Variants in TPST1 observed in about 807,000 individuals in gnomAD.
TPST1 encodes tyrosylprotein sulfotransferase 1.
Under a neutral mutation model 34.8 loss-of-function variants are expected in TPST1, and 20 were observed. The observed-to-expected ratio is 0.57, with a 90% CI of 0.40 to 0.84. TPST1 has a LOEUF of 0.84. Among genes scored for constraint, TPST1 ranks in the 40% least tolerant of loss-of-function variants. TPST1 has a pLI of 0.00. For synonymous variants in TPST1, 152 were observed against 159.4 expected (o/e 0.95, Z 0.35); for missense variants, 353 against 455.5 (o/e 0.78, Z 2.05).
At chr7:66,255,111 A>G (rs1420040941) in intron 2 of TPST1, among the ~76,000 whole-genome samples, 2 of 144,006 alleles carry the variant, frequency 1.4e-5, no homozygotes, top group Non-Finnish European at 3.0e-5. Context: ...CATGCCATGC[A>G]CTCCAGCCTG....
chr7:66,219,494 A>T (rs1789495343), intron 1 of TPST1, among the ~76,000 whole-genome samples: 1 of 152,212 alleles, frequency 6.6e-6, no homozygotes, highest in South Asian at 2.1e-4. Context: ...GACTTGCAGA[A>T]AGTGTGCAAA....
At chr7:66,283,418 G>C (rs1342299884) in intron 2 of TPST1, among the ~76,000 whole-genome samples, 1 of 152,020 alleles carries the variant, frequency 6.6e-6, no homozygotes, top group Non-Finnish European at 1.5e-5. Context: ...TTTTTGTAAG[G>C]GTTAGATAGT....
rs192091674 is a variant in TPST1, at chr7:66,243,564, C to T, written c.845+2294C>T. On this transcript the variant is annotated intron_variant, in intron 2 of 5. Coordinates refer to ENST00000304842, the MANE Select transcript of TPST1 (RefSeq NM_003596.4). Reference sequence around the variant, plus strand: ...GCTCAGGTGATCCTCCCATCTCAGCCTCCCGAGTAGCTGGGATTACAGGCA... The same window carrying T: ...GCTCAGGTGATCCTCCCATCTCAGCTTCCCGAGTAGCTGGGATTACAGGCA... Among the ~76,000 whole-genome samples the T allele has an allele frequency of 1.2e-3, 183 of 151,848 alleles. 1 individual carries two copies. Among genetic ancestry groups the T allele is most frequent in the Non-Finnish European group, 3.7e-4 (25 of 67,956 alleles).
intron 2 of TPST1, among the ~76,000 whole-genome samples, chr7:66,282,457 G>A (rs1350092613): frequency 6.6e-6 from 1 of 152,186 alleles, no homozygotes; most frequent in Non-Finnish European, 1.5e-5. Flanking sequence ...CAGGCAGCAG[G>A]CCAGATTGGA....
chr7:66,246,179 ATTTTTTTTTTTTT>A (rs35051150), intron 2 of TPST1, among the ~76,000 whole-genome samples: 190 of 92,402 alleles, frequency 2.1e-3, no homozygotes, highest in African/African-American at 7.5e-3. Flanking sequence ...TGCCTGGCTA[ATTTTTTTTTTTTT>A]TTTTTTTTTT....
chr7:66,201,782 G>A (rs552494288), upstream of TPST1, among the ~76,000 whole-genome samples: 26 of 150,374 alleles, frequency 1.7e-4, no homozygotes, highest in Admixed American at 1.0e-3. Flanking sequence ...GAGCCCAGGC[G>A]TTTGAGGCTG....
In TPST1 at chr7:66,352,561, G is replaced by A. The variant is rs1247865962; in HGVS notation, c.1095+6G>A. ...TTCTTAAAGAAAAACCACAGGTACT[G>A]TGTCTGCTTTTTCCTCCTGATGTAT... is the stretch of plus-strand genomic sequence containing the variant. On this transcript the variant is annotated splice_donor_region_variant and intron_variant, in intron 4 of 5. Coordinates refer to ENST00000304842, the MANE Select transcript of TPST1 (RefSeq NM_003596.4). The A allele has an allele frequency of 8.1e-6, 13 of 1,612,836 alleles. No homozygotes were observed. Among genetic ancestry groups the A allele is most frequent in the African/African-American group, 1.3e-5 (1 of 74,790 alleles).
chr7:66,332,853 A>T lies in TPST1; in HGVS notation c.1045-19652A>T, dbSNP rs914947756. Among the ~76,000 whole-genome samples the T allele has an allele frequency of 1.3e-5, 2 of 152,200 alleles. No homozygotes were observed. Among genetic ancestry groups the T allele is most frequent in the Non-Finnish European group, 1.5e-5 (1 of 68,038 alleles). ...ACGTGCAAATACTACACCATTTTAT[A>T]TAAGGCACTTGAGCACCTGTGGATT... On this transcript the variant is annotated intron_variant, in intron 3 of 5. Coordinates refer to ENST00000304842, the MANE Select transcript of TPST1 (RefSeq NM_003596.4). This position sits in a 1 kb window ranked among gnomAD's most constrained non-coding sequence, Gnocchi z 4.5.
chr7:66,270,802 G>A (rs1790689583), intron 2 of TPST1, among the ~76,000 whole-genome samples: 1 of 152,154 alleles, frequency 6.6e-6, no homozygotes, highest in Non-Finnish European at 1.5e-5. Flanking sequence ...GTCTTATTTG[G>A]TGAGGCTATA....
At chr7:66,213,661 G>A (rs1012644916) in intron 1 of TPST1, among the ~76,000 whole-genome samples, 1 of 151,416 alleles carries the variant, frequency 6.6e-6, no homozygotes, top group East Asian at 1.9e-4. Flanking sequence ...AGGCTGAGGC[G>A]CGAACCCAGG....
At chr7:66,316,405 T>C (rs924432987) in intron 3 of TPST1, among the ~76,000 whole-genome samples, 1 of 152,352 alleles carries the variant, frequency 6.6e-6, no homozygotes, top group South Asian at 2.1e-4. Context: ...GTGTATTCAC[T>C]AATTAATGGG....
intron 1 of TPST1, among the ~76,000 whole-genome samples, chr7:66,225,217 C>A (rs1350077775): frequency 6.6e-6 from 1 of 151,826 alleles, no homozygotes; most frequent in Non-Finnish European, 1.5e-5. Flanking sequence ...GCACCCGGCC[C>A]ATTCTGGTAT....
chr7:66,210,994 C>A (rs1688255361), intron 1 of TPST1, among the ~76,000 whole-genome samples: 1 of 151,422 alleles, frequency 6.6e-6, no homozygotes, highest in South Asian at 2.1e-4. Flanking sequence ...CGCGCGCGCA[C>A]ACACACACAC....
At chr7:66,258,899 G>GT (rs1048889828) in intron 2 of TPST1, among the ~76,000 whole-genome samples, 9 of 152,028 alleles carry the variant, frequency 5.9e-5, no homozygotes, top group Admixed American at 5.9e-4. Flanking sequence ...ATTTCTCAGG[G>GT]TTTTTTGTTT....
the TPST1 span, among the ~76,000 whole-genome samples, chr7:66,198,830 G>A: frequency 6.6e-6 from 1 of 152,182 alleles, no homozygotes; most frequent in African/African-American, 2.4e-5. Context: ...CAGGAGTCCT[G>A]CTCACATTTT....
At chr7:66,282,825 T>C (rs558412715) in intron 2 of TPST1, among the ~76,000 whole-genome samples, 69 of 152,360 alleles carry the variant, frequency 4.5e-4, no homozygotes, top group African/African-American at 1.3e-3. Context: ...TTCTATTTTA[T>C]TTTAATGATC....
intron 3 of TPST1, among the ~76,000 whole-genome samples, chr7:66,329,746 C>T (rs775250929): frequency 2.0e-5 from 3 of 152,132 alleles, no homozygotes; most frequent in Non-Finnish European, 4.4e-5. Context: ...TACATATACA[C>T]CATGAAATAT....
chr7:66,273,888 C>T (rs192362613), intron 2 of TPST1, among the ~76,000 whole-genome samples: 4 of 152,104 alleles, frequency 2.6e-5, no homozygotes, highest in Non-Finnish European at 4.4e-5. Context: ...CTGCAACCTC[C>T]GCCTTCTGGG....
At chr7:66,255,287 A>G (rs1790362844) in intron 2 of TPST1, among the ~76,000 whole-genome samples, 1 of 152,176 alleles carries the variant, frequency 6.6e-6, no homozygotes, top group South Asian at 2.1e-4. Flanking sequence ...GAAAGAGGCC[A>G]GGGTGTTGCT....
Sources: allele counts gnomAD v4.1 joint callset (sites outside exome capture counted in the v4.1 genomes callset), GRCh38; gene constraint gnomAD v4.1.1; non-coding constraint Gnocchi (gnomAD v3.1); transcripts MANE v1.5; gene names NCBI Gene and HGNC (gene_info 2026-07-23, HGNC 2026-07-21).